The following ANKS1A variants were observed in gnomAD, a reference collection of about 807,000 sequenced individuals.
ANKS1A encodes the protein ankyrin repeat and sterile alpha motif domain containing 1A.
Under a neutral mutation model 120.3 loss-of-function variants are expected in ANKS1A, and 55 were observed. That is an observed-to-expected ratio of 0.46 (90% confidence interval 0.37 to 0.57). The LOEUF (loss-of-function observed/expected upper bound fraction) is 0.57. Ranked by LOEUF, ANKS1A falls within the 20% of genes least tolerant of loss-of-function variation. ANKS1A has a pLI of 0.00. For missense variants in ANKS1A, 1,123 were observed against 1,480.3 expected (o/e 0.76, Z 3.96); for synonymous variants, 590 against 604.7 (o/e 0.98, Z 0.36).
At chr6:34,978,957 G>A (rs562373395) in intron 3 of ANKS1A, among the ~76,000 whole-genome samples, 6 of 150,336 alleles carry the variant, frequency 4.0e-5, no homozygotes, top group South Asian at 2.2e-4. Flanking sequence ...GTGCAGTGGC[G>A]CAATCTCGGC....
At chr6:34,918,497 A>G in intron 1 of ANKS1A, among the ~76,000 whole-genome samples, 1 of 152,228 alleles carries the variant, frequency 6.6e-6, no homozygotes, top group African/African-American at 2.4e-5. Flanking sequence ...CTGCGAGTGA[A>G]GCTACGGGGC....
intron 11 of ANKS1A, among the ~76,000 whole-genome samples, chr6:35,030,668 C>A (rs553970396): frequency 2.6e-5 from 4 of 152,164 alleles, no homozygotes; most frequent in Non-Finnish European, 5.9e-5. Context: ...ATGAAAAATC[C>A]TTTCTCATAT....
chr6:35,062,246 C>T (rs551161757), intron 13 of ANKS1A, among the ~76,000 whole-genome samples: 2 of 152,222 alleles, frequency 1.3e-5, no homozygotes, highest in South Asian at 2.1e-4. Context: ...CAAGAAGGAA[C>T]GTCGAGCACC....
In ANKS1A at chr6:35,086,274, C is replaced by T. The variant is rs982941689; in HGVS notation, c.3303+338C>T. On this transcript the variant is annotated intron_variant, in intron 22 of 23. Coordinates refer to ENST00000360359, the MANE Select transcript of ANKS1A (RefSeq NM_015245.3). This position sits in a 1 kb window ranked among gnomAD's most constrained non-coding sequence, Gnocchi z 5.1. ...CTGCTTTGCTCTGCACCCCAGGTGC[C>T]GCTGCCCCCCGATAGTCGCTGTTGT... The T allele has an allele frequency of 4.2e-5, 56 of 1,333,682 alleles. No individual in the cohort carries two copies. Among genetic ancestry groups the T allele is most frequent in the Admixed American group, 6.7e-5 (3 of 44,756 alleles). The allele number at this position is 1,333,682 out of a possible 1,614,324, so 82.6% of individuals were successfully genotyped here. A position where few individuals can be genotyped will look rare whatever the true frequency, so the allele number is the denominator to read the frequency against.
chr6:34,945,824 G>T (rs1180491946), intron 1 of ANKS1A, among the ~76,000 whole-genome samples: 1 of 152,124 alleles, frequency 6.6e-6, no homozygotes, highest in African/African-American at 2.4e-5. Flanking sequence ...TCATTTCATA[G>T]AGGTTGTCAA....
At chr6:35,059,603 A>T (rs1776383323) in intron 12 of ANKS1A, among the ~76,000 whole-genome samples, 2 of 152,120 alleles carry the variant, frequency 1.3e-5, no homozygotes, top group Non-Finnish European at 1.5e-5. Context: ...CAGCTGCATG[A>T]AGATGTGTGC....
chr6:35,056,274 T>C (rs558056910), intron 12 of ANKS1A, among the ~76,000 whole-genome samples: 5 of 152,224 alleles, frequency 3.3e-5, no homozygotes, highest in Admixed American at 3.3e-4. Context: ...AGTTTTTTGT[T>C]TGTTTGTTTT....
chr6:34,944,741 G>A (rs1238080121), intron 1 of ANKS1A, among the ~76,000 whole-genome samples: 3 of 151,978 alleles, frequency 2.0e-5, no homozygotes, highest in Non-Finnish European at 4.4e-5. Context: ...ATACGGTTTC[G>A]TTGAAAAAAA....
At chr6:34,952,065 T>C (rs1234178252) in intron 1 of ANKS1A, among the ~76,000 whole-genome samples, 1 of 152,196 alleles carries the variant, frequency 6.6e-6, no homozygotes, top group East Asian at 1.9e-4. Flanking sequence ...CTCAGGAAGC[T>C]ATATGGCATG....
At chr6:35,092,668 G>A (rs1341078421), downstream of ANKS1A, among the ~76,000 whole-genome samples, 3 of 152,186 alleles carry the variant, frequency 2.0e-5, no homozygotes, top group Non-Finnish European at 4.4e-5. Context: ...CATAACTAGT[G>A]TCATCAGGGC....
intron 17 of ANKS1A, among the ~76,000 whole-genome samples, chr6:35,081,835 ACGGACCTTGG>A (rs1777702604): frequency 6.6e-6 from 1 of 152,026 alleles, no homozygotes; most frequent in African/African-American, 2.4e-5. Context: ...CCCTCCTTGT[ACGGACCTTGG>A]CTTTGTCCTT....
chr6:35,047,058 T>C (rs190936757), intron 11 of ANKS1A, among the ~76,000 whole-genome samples: 87 of 152,340 alleles, frequency 5.7e-4, no homozygotes, highest in Middle Eastern at 3.4e-3. Context: ...TAAACTGAAG[T>C]CTAGGGACTC....
chr6:34,917,435 C>T (rs536410484), intron 1 of ANKS1A, among the ~76,000 whole-genome samples: 1 of 152,224 alleles, frequency 6.6e-6, no homozygotes, highest in East Asian at 1.9e-4. Context: ...AACCAAGCTC[C>T]GCTGCCCCAC....
intron 1 of ANKS1A, among the ~76,000 whole-genome samples, chr6:34,912,209 A>T (rs896337283): frequency 2.6e-5 from 4 of 152,222 alleles, no homozygotes; most frequent in African/African-American, 9.6e-5. Flanking sequence ...ATAATTAGTT[A>T]TAATTTTTAC....
chr6:35,072,228 G>A (rs973578309), intron 13 of ANKS1A, among the ~76,000 whole-genome samples: 10 of 152,204 alleles, frequency 6.6e-5, no homozygotes, highest in South Asian at 2.1e-4. Flanking sequence ...AGCCCCTGCC[G>A]CTTCTCCTGC....
At position 35,060,087 on chromosome 6, in the gene ANKS1A, G is replaced by A. The variant is rs761796184; in HGVS notation, c.2078-60G>A. The A allele has an allele frequency of 1.3e-4, 179 of 1,404,900 alleles. 1 individual carries two copies. The highest frequency in any genetic ancestry group is 7.5e-4 in the Admixed American group (39 of 52,344). The allele number at this position is 1,404,900 out of a possible 1,614,324, so 87.0% of individuals were successfully genotyped here. A position where few individuals can be genotyped will look rare whatever the true frequency, so the allele number is the denominator to read the frequency against. On this transcript the variant is annotated intron_variant, in intron 12 of 23. Coordinates refer to ENST00000360359, the MANE Select transcript of ANKS1A (RefSeq NM_015245.3). The surrounding 1 kb of genome is among the most constrained non-coding windows in gnomAD (Gnocchi z 4.5). ...TGCCATCTATCTTCCTCTGAGTGCCGCTGCTACCGCCTTAATGGTTTTTCC... is the reference window on the plus strand; with the variant it reads ...TGCCATCTATCTTCCTCTGAGTGCCACTGCTACCGCCTTAATGGTTTTTCC...
At chr6:34,934,391 G>T (rs1769144242) in intron 1 of ANKS1A, among the ~76,000 whole-genome samples, 1 of 152,060 alleles carries the variant, frequency 6.6e-6, no homozygotes, top group South Asian at 2.1e-4. Context: ...CTTGTGATCC[G>T]CCCGCCTCGG....
At chr6:35,049,454 T>C (rs1451023865) in intron 11 of ANKS1A, among the ~76,000 whole-genome samples, 1 of 152,146 alleles carries the variant, frequency 6.6e-6, no homozygotes, top group African/African-American at 2.4e-5. Context: ...CATAAAACAG[T>C]TAATCAGGGA....
chr6:34,963,500 T>A (rs1434032840), intron 1 of ANKS1A, among the ~76,000 whole-genome samples: 1 of 152,226 alleles, frequency 6.6e-6, no homozygotes, highest in Non-Finnish European at 1.5e-5. Flanking sequence ...ATATACCACA[T>A]CTTCTTTATT....
Sources: gnomAD v4.1 joint callset for allele counts (sites outside exome capture counted in the v4.1 genomes callset) on GRCh38, gnomAD v4.1.1 for gene constraint, Gnocchi (gnomAD v3.1) non-coding constraint, MANE v1.5 for transcripts, NCBI Gene and HGNC (gene_info 2026-07-23, HGNC 2026-07-21) for gene names.